The following LPP variants were observed in gnomAD, a reference collection of about 807,000 sequenced individuals.
LPP encodes the protein LIM domain containing preferred translocation partner in lipoma, also known as lipoma-preferred partner.
Under a neutral mutation model 60.4 loss-of-function variants are expected in LPP, and 38 were observed. That is an observed-to-expected ratio of 0.63 (90% CI 0.49 to 0.83). The LOEUF is 0.83. Among genes scored for constraint, LPP ranks in the 40% least tolerant of loss-of-function variants. LPP has a pLI of 0.00. For synonymous variants in LPP, 328 were observed against 290.8 expected (o/e 1.13, Z -1.30); for missense variants, 902 against 783.6 (o/e 1.15, Z -1.80).
intron 8 of LPP, among the ~76,000 whole-genome samples, chr3:188,732,091 G>A (rs573526247): frequency 6.6e-5 from 10 of 152,294 alleles, no homozygotes; most frequent in African/African-American, 2.4e-4. Context: ...GAATAGTTAG[G>A]TCAGAAGTTA....
chr3:188,624,773 C>CTT (rs1326779660), intron 7 of LPP, among the ~76,000 whole-genome samples: 27 of 94,048 alleles, frequency 2.9e-4, no homozygotes, highest in South Asian at 4.5e-4. Context: ...CTTCTCCTTC[C>CTT]TTCCTTTTCC....
At chr3:188,657,259 T>TATATATATATATATATATATATATA (rs1853453098) in intron 7 of LPP, among the ~76,000 whole-genome samples, 2 of 6,282 alleles carry the variant, frequency 3.2e-4, no homozygotes, top group East Asian at 2.2e-3. Context: ...TGTCAAGGTG[T>TATATATATATATATATATATATATA]ATATATATAT....
At chr3:188,388,706 G>A (rs1778954963) in intron 3 of LPP, among the ~76,000 whole-genome samples, 1 of 152,212 alleles carries the variant, frequency 6.6e-6, no homozygotes, top group South Asian at 2.1e-4. Context: ...TAGTGGTCAT[G>A]TTAAAAAATA....
At chr3:188,532,330 CAGG>C (rs1822408646) in intron 6 of LPP, among the ~76,000 whole-genome samples, 1 of 152,106 alleles carries the variant, frequency 6.6e-6, no homozygotes, top group Admixed American at 6.6e-5. Flanking sequence ...GAGGCTGAGG[CAGG>C]AGAATTGCTT....
At chr3:188,280,000 T>C (rs954680484) in intron 2 of LPP, among the ~76,000 whole-genome samples, 1 of 152,200 alleles carries the variant, frequency 6.6e-6, no homozygotes, top group African/African-American at 2.4e-5. Context: ...TGTGTTGTTC[T>C]CTTTGTGTTT....
intron 6 of LPP, among the ~76,000 whole-genome samples, chr3:188,540,958 C>T (rs1824997578): frequency 6.6e-6 from 1 of 152,206 alleles, no homozygotes; most frequent in South Asian, 2.1e-4. Context: ...CCAAAAGCTA[C>T]AGCTAGAGCC....
intron 8 of LPP, among the ~76,000 whole-genome samples, chr3:188,746,334 C>T (rs1192399724): frequency 6.6e-6 from 1 of 152,174 alleles, no homozygotes; most frequent in Non-Finnish European, 1.5e-5. Context: ...GTAACCTCAA[C>T]ATGTTGTAAC....
intron 6 of LPP, among the ~76,000 whole-genome samples, chr3:188,607,416 TAA>T (rs1491160244): frequency 0.013 from 625 of 48,374 alleles, 10 homozygotes; most frequent in Middle Eastern, 0.02. Flanking sequence ...TATATATATA[TAA>T]TTTTTTTTTC....
chr3:188,322,423 T>G (rs1757210454), intron 2 of LPP, among the ~76,000 whole-genome samples: 1 of 152,138 alleles, frequency 6.6e-6, no homozygotes, highest in Non-Finnish European at 1.5e-5. Flanking sequence ...GCTGGGAAAT[T>G]CAAGAGTCTC....
At chr3:188,270,031 C>A (rs1441555112) in intron 2 of LPP, among the ~76,000 whole-genome samples, 15 of 151,100 alleles carry the variant, frequency 9.9e-5, no homozygotes, top group Admixed American at 9.2e-4. Flanking sequence ...GGGTATGATT[C>A]TATTTATTTG....
At chr3:188,553,931 A>T (rs569581822) in intron 6 of LPP, 11 of 152,330 alleles carry the variant, frequency 7.2e-5, no homozygotes, top group Admixed American at 7.2e-4. Flanking sequence ...ATATCTGATC[A>T]CAGAAATGTT....
chr3:188,741,404 TG>T (rs1190273200), intron 8 of LPP, among the ~76,000 whole-genome samples: 1 of 152,100 alleles, frequency 6.6e-6, no homozygotes, highest in African/African-American at 2.4e-5. Flanking sequence ...CAAAATTAGT[TG>T]AACTATTGTG....
chr3:188,417,615 T>C (rs1460924543), intron 4 of LPP, among the ~76,000 whole-genome samples: 3 of 152,134 alleles, frequency 2.0e-5, no homozygotes, highest in Non-Finnish European at 4.4e-5. Context: ...AACTTACCTC[T>C]AGAAATAGCT....
chr3:188,241,735 T>G (rs902992253), intron 2 of LPP, among the ~76,000 whole-genome samples: 4 of 152,192 alleles, frequency 2.6e-5, no homozygotes, highest in South Asian at 4.1e-4. Flanking sequence ...GTCGTTGACT[T>G]TGTTATAACT....
At chr3:188,534,452 A>G (rs1302201144) in intron 6 of LPP, among the ~76,000 whole-genome samples, 1 of 152,210 alleles carries the variant, frequency 6.6e-6, no homozygotes, top group Non-Finnish European at 1.5e-5. Flanking sequence ...TGCAAAATTA[A>G]AGAGTGTTCT....
At chr3:188,223,066 A>G (rs1199435672) in intron 1 of LPP, among the ~76,000 whole-genome samples, 1 of 152,160 alleles carries the variant, frequency 6.6e-6, no homozygotes, top group Non-Finnish European at 1.5e-5. Context: ...ACCAGGGAAA[A>G]TACTCAAGGC....
rs1464027160 is a variant in LPP at position 188,337,518 on chromosome 3, AT to A, written c.-66-4144del. 2.0e-5 allele frequency among the ~76,000 whole-genome samples: 3 copies of A among 152,150 alleles called. No individual in the cohort carries two copies. In the East Asian group the frequency reaches 5.8e-4, roughly 29 times the overall value. ...GTTTCCAGCAGATCCCAAGTGGGTG[AT>A]GGGTGGTAAAGACCAGGTGTTTTGT... On this transcript the variant is annotated intron_variant, in intron 2 of 11. Coordinates refer to ENST00000617246, the MANE Select transcript of LPP (RefSeq NM_001375462.1).
At chr3:188,805,651 G>T (rs962117545) in intron 9 of LPP, among the ~76,000 whole-genome samples, 1 of 151,374 alleles carries the variant, frequency 6.6e-6, no homozygotes, top group Admixed American at 6.6e-5. Context: ...GGTTAAGTTT[G>T]CTCTTCTCTT....
rs1769491519 is a variant in LPP, at chr3:188,878,320, T to C, written c.*3841T>C. 1 of 220,220 alleles carries C rather than the reference T, an allele frequency of 4.5e-6. No homozygotes were observed. Among genetic ancestry groups the C allele is most frequent in the African/African-American group, 2.2e-5 (1 of 44,602 alleles). 13.6% of individuals were successfully genotyped at this position (220,220 alleles called of 1,614,324 possible). On this transcript the variant is annotated 3_prime_UTR_variant, in exon 12 of 12. Coordinates refer to ENST00000617246, the MANE Select transcript of LPP (RefSeq NM_001375462.1). Reference sequence around the variant, plus strand: ...GCTGCTAGGGAGATCAGGGAAACACTGATGTAACCTCAAAGCCTCTCACCA... The same window carrying C: ...GCTGCTAGGGAGATCAGGGAAACACCGATGTAACCTCAAAGCCTCTCACCA...
Sources: gnomAD v4.1 joint callset for allele counts (sites outside exome capture counted in the v4.1 genomes callset) on GRCh38, gnomAD v4.1.1 for gene constraint, MANE v1.5 for transcripts, NCBI Gene and HGNC (gene_info 2026-07-23, HGNC 2026-07-21) for gene names.